The following LDLRAD4 variants were observed in gnomAD, a reference collection of about 807,000 sequenced individuals.
LDLRAD4 encodes low-density lipoprotein receptor class A domain-containing protein 4.
LDLRAD4 carries 5 observed loss-of-function variants against 17.0 expected under a neutral mutation model. The ratio of observed to expected loss-of-function variants is 0.29; its 90% CI spans 0.15 to 0.62. LDLRAD4 has a LOEUF of 0.62. Ranked by LOEUF, LDLRAD4 falls within the 20% of genes least tolerant of loss-of-function variation. The pLI is 0.84. For synonymous variants in LDLRAD4, 168 were observed against 171.8 expected (o/e 0.98, Z 0.17); for missense variants, 340 against 424.7 (o/e 0.80, Z 1.75).
intron 1 of LDLRAD4, among the ~76,000 whole-genome samples, chr18:13,264,271 C>T (rs1476899286): frequency 1.3e-5 from 2 of 152,216 alleles, no homozygotes; most frequent in Admixed American, 1.3e-4. Context: ...TTTACGTCAA[C>T]GGCCAGTGAA....
At chr18:13,243,666 G>A (rs752615019) in intron 1 of LDLRAD4, among the ~76,000 whole-genome samples, 9 of 137,468 alleles carry the variant, frequency 6.5e-5, no homozygotes, top group Admixed American at 3.7e-4. Flanking sequence ...CCATCCATCC[G>A]TCTACCCATC....
intron 3 of LDLRAD4, among the ~76,000 whole-genome samples, chr18:13,444,332 G>A (rs1222387748): frequency 6.6e-6 from 1 of 152,196 alleles, no homozygotes; most frequent in East Asian, 1.9e-4. Context: ...TAAACTCCAG[G>A]CGTGCAGGGG....
rs75681290 is a variant in LDLRAD4, at chr18:13,449,819, C to T, written c.181+11435C>T. 6.8e-4 allele frequency among the ~76,000 whole-genome samples: 104 copies of T among 152,264 alleles called. 1 individual carries two copies. Among genetic ancestry groups the T allele is most frequent in the East Asian group, 5.0e-3 (26 of 5,172 alleles). ...AGCTATGGTTCCAGGTAGGGTGTACCGCCGCAGGCCCTTGCATGCCAGCTG... is the reference window on the plus strand; with the variant it reads ...AGCTATGGTTCCAGGTAGGGTGTACTGCCGCAGGCCCTTGCATGCCAGCTG... On this transcript the variant is annotated intron_variant, in intron 3 of 5. Coordinates refer to ENST00000359446, the Ensembl canonical transcript of LDLRAD4.
intron 2 of LDLRAD4, among the ~76,000 whole-genome samples, chr18:13,417,470 T>C (rs1252394522): frequency 1.3e-5 from 2 of 151,240 alleles, no homozygotes; most frequent in African/African-American, 2.4e-5. Context: ...TCTCACTCTG[T>C]CACCCAGGCT....
intron 3 of LDLRAD4, among the ~76,000 whole-genome samples, chr18:13,586,709 C>CA (rs2094940138): frequency 6.6e-6 from 1 of 151,760 alleles, no homozygotes; most frequent in Non-Finnish European, 1.5e-5. Context: ...GCCAACATGG[C>CA]AAAATCCCGT....
chr18:13,305,459 T>TC (rs2046857467), intron 1 of LDLRAD4, among the ~76,000 whole-genome samples: 1 of 152,214 alleles, frequency 6.6e-6, no homozygotes, highest in African/African-American at 2.4e-5. Context: ...GAGCAGTTCT[T>TC]CTCAACAGTA....
intron 1 of LDLRAD4, among the ~76,000 whole-genome samples, chr18:13,268,270 C>T (rs112299705): frequency 1.2e-4 from 18 of 152,314 alleles, no homozygotes; most frequent in African/African-American, 4.3e-4. Context: ...TACCCTCCTC[C>T]CCCCTCGGCT....
chr18:13,455,702 C>T (rs896360278), intron 3 of LDLRAD4, among the ~76,000 whole-genome samples: 3 of 152,160 alleles, frequency 2.0e-5, no homozygotes, highest in Non-Finnish European at 4.4e-5. Flanking sequence ...CCTCCTTCCA[C>T]ACAGCCCCAG....
chr18:13,584,491 T>A (rs1437195537), intron 3 of LDLRAD4, among the ~76,000 whole-genome samples: 2 of 152,200 alleles, frequency 1.3e-5, no homozygotes, highest in Non-Finnish European at 2.9e-5. Context: ...CCAGCTTGTC[T>A]GAGAACAGGA....
intron 4 of LDLRAD4, among the ~76,000 whole-genome samples, chr18:13,629,069 G>C (rs1207466046): frequency 1.3e-5 from 2 of 152,140 alleles, no homozygotes; most frequent in Admixed American, 6.5e-5. Flanking sequence ...TGCCTCAAAC[G>C]ATCTTCCCAC....
chr18:13,404,747 G>A (rs891109879), intron 2 of LDLRAD4, among the ~76,000 whole-genome samples: 3 of 151,404 alleles, frequency 2.0e-5, no homozygotes, highest in Non-Finnish European at 4.4e-5. Flanking sequence ...GCAGTGAGCC[G>A]AGATCGTGCC....
chr18:13,371,408 T>C (rs564738116), intron 1 of LDLRAD4, among the ~76,000 whole-genome samples: 89 of 152,322 alleles, frequency 5.8e-4, no homozygotes, highest in South Asian at 2.1e-3. Context: ...TGTGAACCGT[T>C]GTACTCCCTA....
chr18:13,643,258 C>T, intron 4 of LDLRAD4, 101 bp from the exon 6 acceptor site: 2 of 741,436 alleles, frequency 2.7e-6, no homozygotes, highest in South Asian at 3.9e-5. Context: ...ATGCAGATCC[C>T]CGTTTCCAGA....
chr18:13,576,057 T>C (rs1364156575), intron 3 of LDLRAD4, among the ~76,000 whole-genome samples: 1 of 152,248 alleles, frequency 6.6e-6, no homozygotes, highest in Non-Finnish European at 1.5e-5. Flanking sequence ...TTCCTTTTGC[T>C]GTGCAGAAGT....
chr18:13,464,354 C>T (rs766517814), intron 3 of LDLRAD4, among the ~76,000 whole-genome samples: 4 of 152,180 alleles, frequency 2.6e-5, no homozygotes, highest in African/African-American at 9.7e-5. Flanking sequence ...GTGTTGTGAG[C>T]AAAGAATAGT....
intron 3 of LDLRAD4, among the ~76,000 whole-genome samples, chr18:13,448,997 T>G (rs1037675288): frequency 2.6e-5 from 4 of 152,228 alleles, no homozygotes; most frequent in South Asian, 2.1e-4. Context: ...AATCATTTTT[T>G]CACTCCTTCA....
In LDLRAD4 at chr18:13,626,997, C is replaced by G. The variant is rs200988311; in HGVS notation, c.336+5726C>G. ...AGCTTTTAAAAATTGGGGCTGGGTG[C>G]GGTGGCTCACGCCTATAATCTCAGC... On this transcript the variant is annotated intron_variant, in intron 4 of 5. Transcript: ENST00000359446. 4.0e-4 allele frequency among the ~76,000 whole-genome samples: 61 copies of G among 152,312 alleles called. No individual in the cohort carries two copies. The East Asian group carries it at 9.8e-3, about 25-fold the overall frequency.
At chr18:13,244,518 A>G (rs192812124) in intron 1 of LDLRAD4, among the ~76,000 whole-genome samples, 186 of 152,314 alleles carry the variant, frequency 1.2e-3, no homozygotes, top group African/African-American at 4.2e-3. Flanking sequence ...AAAGGCCCCA[A>G]GTTTTCTCTG....
intron 3 of LDLRAD4, among the ~76,000 whole-genome samples, chr18:13,553,821 A>G (rs2094458233): frequency 6.6e-6 from 1 of 152,108 alleles, no homozygotes; most frequent in Admixed American, 6.5e-5. Flanking sequence ...ACATGAAGCA[A>G]TCTGGATTGG....
Sources: allele counts gnomAD v4.1 joint callset (sites outside exome capture counted in the v4.1 genomes callset), GRCh38; gene constraint gnomAD v4.1.1; transcripts MANE v1.5; gene names NCBI Gene and HGNC (gene_info 2026-07-23, HGNC 2026-07-21).